Variants in ROBO2 observed in about 807,000 individuals in gnomAD.
ROBO2 encodes the protein roundabout homolog 2.
A neutral mutation model predicts 160.8 loss-of-function variants in ROBO2; 53 were observed. The ratio of observed to expected loss-of-function variants is 0.33; its 90% CI spans 0.26 to 0.41. ROBO2 has a LOEUF of 0.41. Ranked by LOEUF, ROBO2 falls within the 10% of genes least tolerant of loss-of-function variation. The pLI, the probability that ROBO2 is intolerant of heterozygous loss-of-function variation, is 1.00. For missense variants in ROBO2, 1,577 were observed against 1,722.4 expected (o/e 0.92, Z 1.49); for synonymous variants, 664 against 611.7 (o/e 1.09, Z -1.26).
At chr3:76,293,789 T>A (rs554829603) in intron 2 of ROBO2, among the ~76,000 whole-genome samples, 1 of 152,356 alleles carries the variant, frequency 6.6e-6, no homozygotes, top group African/African-American at 2.4e-5. Context: ...CACACATCTT[T>A]TCTTTTGAGA....
intron 2 of ROBO2, among the ~76,000 whole-genome samples, chr3:76,209,442 C>G (rs953355225): frequency 6.6e-6 from 1 of 151,928 alleles, no homozygotes; most frequent in African/African-American, 2.4e-5. Context: ...GCAGCCAGTA[C>G]ATTATATAAA....
intron 2 of ROBO2, among the ~76,000 whole-genome samples, chr3:76,719,736 T>C (rs370595513): frequency 7.2e-5 from 11 of 151,980 alleles, no homozygotes; most frequent in African/African-American, 2.4e-4. Context: ...ATACAAAAAT[T>C]AGCTGGGTGT....
At chr3:76,603,351 A>AAAAATATAT (rs1553826368) in intron 2 of ROBO2, among the ~76,000 whole-genome samples, 3 of 26,404 alleles carry the variant, frequency 1.1e-4, no homozygotes, top group African/African-American at 7.1e-4. Context: ...AAAAAAAAAA[A>AAAAATATAT]ATATATATAT....
At chr3:76,236,805 A>C (rs556243785) in intron 2 of ROBO2, among the ~76,000 whole-genome samples, 1 of 152,240 alleles carries the variant, frequency 6.6e-6, no homozygotes, top group South Asian at 2.1e-4. Flanking sequence ...TTCAGAATTC[A>C]AGAAGAAATA....
intron 2 of ROBO2, among the ~76,000 whole-genome samples, chr3:76,965,781 T>TTGTG (rs1360013353): frequency 4.8e-5 from 4 of 84,104 alleles, no homozygotes; most frequent in African/African-American, 1.9e-4. Context: ...TTTATTGTGT[T>TTGTG]TGTGTATATA....
At chr3:76,407,036 G>C (rs1311380571) in intron 2 of ROBO2, among the ~76,000 whole-genome samples, 2 of 134,904 alleles carry the variant, frequency 1.5e-5, no homozygotes, top group Admixed American at 1.6e-4. Flanking sequence ...ACTACTTTAC[G>C]CCTTGCTTAC....
chr3:76,139,381 A>G (rs2071548475), intron 2 of ROBO2, among the ~76,000 whole-genome samples: 1 of 152,124 alleles, frequency 6.6e-6, no homozygotes. Context: ...GATAGCTATA[A>G]ATAAAAAAGG....
At chr3:76,319,067 A>G (rs2072288441) in intron 2 of ROBO2, among the ~76,000 whole-genome samples, 1 of 152,132 alleles carries the variant, frequency 6.6e-6, no homozygotes, top group Non-Finnish European at 1.5e-5. Context: ...TTACATCGAA[A>G]GGCCATTACA....
chr3:77,353,605 G>A (rs889210068), intron 2 of ROBO2, among the ~76,000 whole-genome samples: 1 of 152,010 alleles, frequency 6.6e-6, no homozygotes, highest in African/African-American at 2.4e-5. Context: ...CCGCCTCCTG[G>A]GTTCAGGCAA....
chr3:75,992,574 G>A (rs1196359816), intron 2 of ROBO2, among the ~76,000 whole-genome samples: 1 of 152,200 alleles, frequency 6.6e-6, no homozygotes, highest in Non-Finnish European at 1.5e-5. Flanking sequence ...CTAGGAAAGT[G>A]CAGAAGGGAA....
chr3:76,628,004 CAA>C (rs1249137558), intron 2 of ROBO2, among the ~76,000 whole-genome samples: 2 of 151,408 alleles, frequency 1.3e-5, no homozygotes, highest in Non-Finnish European at 2.9e-5. Flanking sequence ...TATATTATAA[CAA>C]GAGTAGTTTT....
chr3:77,040,051 C>CCCACCCA, exon 1 of ROBO2: 1 of 153,876 alleles, frequency 6.5e-6, no homozygotes, highest in Non-Finnish European at 1.4e-5. Flanking sequence ...CCGCCCGGCC[C>CCCACCCA]CTCCCTCCCT....
chr3:76,772,705 C>T (rs1328947831), intron 2 of ROBO2, among the ~76,000 whole-genome samples: 1 of 150,998 alleles, frequency 6.6e-6, no homozygotes, highest in African/African-American at 2.4e-5. Context: ...GTACTGTAAT[C>T]ATCATGGCAT....
intron 2 of ROBO2, among the ~76,000 whole-genome samples, chr3:76,598,753 A>G (rs2086901336): frequency 6.6e-6 from 1 of 152,172 alleles, no homozygotes; most frequent in African/African-American, 2.4e-5. Context: ...CAGATGGGGA[A>G]AAAGCTGAGG....
At chr3:76,521,026 G>A (rs993627642) in intron 2 of ROBO2, among the ~76,000 whole-genome samples, 3 of 143,816 alleles carry the variant, frequency 2.1e-5, no homozygotes, top group Non-Finnish European at 3.0e-5. Context: ...TGAAAAAACA[G>A]TTGCAACAAA....
At chr3:77,317,613 G>A (rs1178958376) in intron 2 of ROBO2, 20 of 1,016,772 alleles carry the variant, frequency 2.0e-5, no homozygotes, top group Non-Finnish European at 2.6e-5. Context: ...GCCGTCTTCT[G>A]CTCAAAGGTG....
At position 76,071,129 on chromosome 3, in the gene ROBO2, A is replaced by T. The variant is rs75464579; in HGVS notation, c.109+133527A>T. ...CTGTAGTTTGTCTGGGTTGATAATT[A>T]TCCAGATGAATGATTTATCCATTTA... On this transcript the variant is annotated intron_variant, in intron 2 of 26. Transcript: ENST00000487694. Among the ~76,000 whole-genome samples the T allele has an allele frequency of 8.5e-5, 13 of 152,316 alleles. No homozygotes were observed. In the East Asian group the frequency reaches 1.9e-3, roughly 23 times the overall value.
At chr3:76,277,001 A>T (rs545004787) in intron 2 of ROBO2, among the ~76,000 whole-genome samples, 23 of 152,018 alleles carry the variant, frequency 1.5e-4, no homozygotes, top group Admixed American at 2.0e-4. Context: ...ATTTAACTTT[A>T]TACAATATTT....
chr3:76,985,675 A>G (rs1329901240), intron 2 of ROBO2, among the ~76,000 whole-genome samples: 1 of 151,964 alleles, frequency 6.6e-6, no homozygotes, highest in East Asian at 1.9e-4. Flanking sequence ...AATCAATTTG[A>G]ACATTGTTAG....
Sources: gnomAD v4.1 joint callset for allele counts (sites outside exome capture counted in the v4.1 genomes callset) on GRCh38, gnomAD v4.1.1 for gene constraint, MANE v1.5 for transcripts, NCBI Gene and HGNC (gene_info 2026-07-23, HGNC 2026-07-21) for gene names.